The following GSAP variants were observed in gnomAD, a reference collection of about 807,000 sequenced individuals.
The protein encoded by GSAP is gamma-secretase activating protein, also known as gamma-secretase-activating protein.
GSAP carries 118 observed loss-of-function variants against 131.7 expected under a neutral mutation model. That is an observed-to-expected ratio of 0.90 (90% confidence interval 0.77 to 1.04). The LOEUF is 1.04. Among genes scored for constraint, GSAP ranks in the 50% least tolerant of loss-of-function variants. GSAP has a pLI of 0.00. For missense variants in GSAP, 1,019 were observed against 1,013.2 expected, an observed-to-expected ratio of 1.01 and a Z score of -0.08; for synonymous variants, 381 against 363.4, an observed-to-expected ratio of 1.05 and a Z score of -0.55.
At position 77,397,055 on chromosome 7, in the gene GSAP, A is replaced by C. The variant is rs776324436; in HGVS notation, c.314-20T>G. On this transcript the variant is annotated intron_variant, in intron 4 of 30. Coordinates refer to ENST00000257626, the MANE Select transcript of GSAP (RefSeq NM_017439.4). ...TTGCAGCTAATGGAAAAAGAAAAAA[A>C]ATCCATTAGCAATTGATCCATATGG... is the stretch of plus-strand genomic sequence containing the variant. 1.3e-6 allele frequency: 2 copies of C among 1,541,978 alleles called. No individual in the cohort carries two copies. The highest frequency in any genetic ancestry group is 1.8e-6 in the Non-Finnish European group (2 of 1,121,842).
intron 5 of GSAP, among the ~76,000 whole-genome samples, chr7:77,393,586 A>T (rs1799905541): frequency 6.6e-6 from 1 of 152,044 alleles, no homozygotes; most frequent in Non-Finnish European, 1.5e-5. Flanking sequence ...CAAAAACCTT[A>T]AAGTGAGTCA....
chr7:77,408,543 T>TAC (rs965400997), intron 1 of GSAP, among the ~76,000 whole-genome samples: 6 of 151,130 alleles, frequency 4.0e-5, no homozygotes, highest in African/African-American at 1.5e-4. Flanking sequence ...TACTAAAAAA[T>TAC]ACAGAAAATT....
At chr7:77,376,200 T>C (rs567895533) in intron 10 of GSAP, among the ~76,000 whole-genome samples, 16 of 152,204 alleles carry the variant, frequency 1.1e-4, no homozygotes, top group Non-Finnish European at 1.5e-4. Flanking sequence ...CAAAAGTAAC[T>C]GCAGTTCTTG....
chr7:77,315,290 G>A (rs1794853657), intron 26 of GSAP: 1 of 152,220 alleles, frequency 6.6e-6, no homozygotes, highest in Non-Finnish European at 1.5e-5. Context: ...CCAGAATCCA[G>A]CTGTATTACT....
At chr7:77,408,487 C>T (rs773641594) in intron 1 of GSAP, among the ~76,000 whole-genome samples, 2 of 151,796 alleles carry the variant, frequency 1.3e-5, no homozygotes, top group African/African-American at 2.4e-5. Context: ...TCACTTGAGG[C>T]CAGGAATTCA....
chr7:77,326,531 A>T (rs771786069), intron 22 of GSAP: 2 of 354,106 alleles, frequency 5.6e-6, no homozygotes, highest in Non-Finnish European at 1.0e-5. Flanking sequence ...TTTTTGTTCA[A>T]CACTAAAACT....
chr7:77,373,870 TAAG>T (rs993945370), intron 12 of GSAP, among the ~76,000 whole-genome samples, 197 bp downstream of exon 12: 10 of 152,348 alleles, frequency 6.6e-5, no homozygotes, highest in Admixed American at 3.3e-4. Flanking sequence ...ACTCTGCTGT[TAAG>T]AATAACTGTG....
intron 14 of GSAP, among the ~76,000 whole-genome samples, chr7:77,358,925 G>A (rs1038429707): frequency 1.3e-5 from 2 of 152,180 alleles, no homozygotes; most frequent in East Asian, 1.9e-4. Context: ...AGTGGCTCAC[G>A]CCTGTAATCC....
chr7:77,405,700 G>A (rs941792528), intron 2 of GSAP, among the ~76,000 whole-genome samples: 1 of 152,118 alleles, frequency 6.6e-6, no homozygotes, highest in African/African-American at 2.4e-5. Flanking sequence ...ACAACACCCA[G>A]CTCATTTTTG....
intron 19 of GSAP, among the ~76,000 whole-genome samples, chr7:77,341,902 A>T (rs1311089355): frequency 1.3e-5 from 2 of 152,214 alleles, no homozygotes; most frequent in East Asian, 3.9e-4. Context: ...AGCACACAAG[A>T]ACTTCAAAAT....
chr7:77,376,874 A>G lies in GSAP; in HGVS notation c.715T>C (p.Tyr239His). ...SRSILKCIQF[Y>H]ADESYNLMFE... ...ATTAAGTTATAGCTCTCATCAGCAT[A>G]AAACTGGATACATTTTAAGATACTC... The change falls in exon 10 of 31, where the codon TAT (tyrosine) becomes CAT (histidine). Residue 239 changes from tyrosine to histidine, a missense_variant. By Grantham distance (83) the Tyr-to-His change is moderately conservative. Transcript: ENST00000257626. The G allele has an allele frequency of 6.7e-7, 1 of 1,497,128 alleles. No homozygotes were observed. Among genetic ancestry groups the G allele is most frequent in the Non-Finnish European group, 9.2e-7 (1 of 1,091,964 alleles). 92.7% of individuals were successfully genotyped at this position (1,497,128 alleles called of 1,614,324 possible).
At chr7:77,389,591 T>C (rs994402978) in intron 5 of GSAP, among the ~76,000 whole-genome samples, 4 of 152,178 alleles carry the variant, frequency 2.6e-5, no homozygotes, top group African/African-American at 7.2e-5. Flanking sequence ...GCTTCATCCA[T>C]GTCCCTACAA....
At chr7:77,341,965 T>C (rs1270511028) in intron 19 of GSAP, among the ~76,000 whole-genome samples, 4 of 152,174 alleles carry the variant, frequency 2.6e-5, no homozygotes, top group Non-Finnish European at 5.9e-5. Context: ...CCCAGGATCT[T>C]ACTTCAGTGC....
chr7:77,377,516 T>C, intron 8 of GSAP, 126 bp from the exon 9 acceptor site: 1 of 1,161,320 alleles, frequency 8.6e-7, no homozygotes, highest in Non-Finnish European at 1.1e-6. Context: ...CACAGTTCAC[T>C]GTTAGAAGCT....
At chr7:77,315,552 C>T (rs769144757) in intron 26 of GSAP, 1 of 152,084 alleles carries the variant, frequency 6.6e-6, no homozygotes, top group Non-Finnish European at 1.5e-5. Context: ...AATGGAAAAA[C>T]CAAAAGCCAA....
At chr7:77,367,879 GCTT>G (rs1025681494) in intron 12 of GSAP, among the ~76,000 whole-genome samples, 1 of 152,142 alleles carries the variant, frequency 6.6e-6, no homozygotes, top group Admixed American at 6.6e-5. Flanking sequence ...CAATTTGGGA[GCTT>G]ATTATTGGTC....
At chr7:77,319,948 G>T (rs911824584) in intron 26 of GSAP, among the ~76,000 whole-genome samples, 1 of 152,180 alleles carries the variant, frequency 6.6e-6, no homozygotes, top group African/African-American at 2.4e-5. Context: ...AAGTTCTAAA[G>T]ACCTGCTATC....
chr7:77,371,440 T>C (rs141945896), intron 12 of GSAP, among the ~76,000 whole-genome samples: 88,667 of 148,770 alleles, frequency 0.6, 27,009 homozygotes, highest in Middle Eastern at 0.71. Context: ...TCTTTTTTTT[T>C]TTTTTTTTTT....
At chr7:77,345,295 C>T (rs1791628795) in intron 19 of GSAP, among the ~76,000 whole-genome samples, 1 of 152,304 alleles carries the variant, frequency 6.6e-6, no homozygotes, top group African/African-American at 2.4e-5. Context: ...TTAATCTATA[C>T]CACTCTAGGT....
Sources: gnomAD v4.1 joint callset for allele counts (sites outside exome capture counted in the v4.1 genomes callset) on GRCh38, gnomAD v4.1.1 for gene constraint, MANE v1.5 for transcripts, NCBI Gene and HGNC (gene_info 2026-07-23, HGNC 2026-07-21) for gene names.